The following RARB variants were observed in gnomAD, a reference collection of about 807,000 sequenced individuals.
RARB encodes the protein retinoic acid receptor beta.
Under a neutral mutation model 51.9 loss-of-function variants are expected in RARB, and 17 were observed. That is an observed-to-expected ratio of 0.33 (90% CI 0.22 to 0.49). The LOEUF is 0.49. RARB is among the 20% of genes least tolerant of loss of function. The pLI, the probability that RARB is intolerant of heterozygous loss-of-function variation, is 0.99. For missense variants in RARB, 369 were observed against 550.8 expected (o/e 0.67, Z 3.30); for synonymous variants, 215 against 195.4 (o/e 1.10, Z -0.84).
chr3:25,023,812 A>G (rs111512729), intron 2 of RARB, among the ~76,000 whole-genome samples: 1,975 of 152,336 alleles, frequency 0.013, 47 homozygotes, highest in African/African-American at 0.044. Flanking sequence ...CAACATAACA[A>G]TCTGGAGAAA....
chr3:25,177,881 T>C (rs1426867478), intron 5 of RARB, among the ~76,000 whole-genome samples: 1 of 152,190 alleles, frequency 6.6e-6, no homozygotes, highest in African/African-American at 2.4e-5. Flanking sequence ...CAGACTTTTA[T>C]TATATATCTA....
intron 2 of RARB, among the ~76,000 whole-genome samples, chr3:24,977,270 T>G (rs1209099789): frequency 2.0e-5 from 3 of 152,208 alleles, no homozygotes; most frequent in East Asian, 3.9e-4. Context: ...ATATGAAATT[T>G]AAAGTAGTTT....
intron 5 of RARB, among the ~76,000 whole-genome samples, chr3:25,232,280 G>A (rs932056128): frequency 1.4e-4 from 21 of 152,032 alleles, no homozygotes; most frequent in African/African-American, 5.1e-4. Context: ...CTCCAATTTT[G>A]TTCTTCAAAA....
intron 5 of RARB, among the ~76,000 whole-genome samples, chr3:25,279,321 A>T (rs1197071511): frequency 6.6e-6 from 1 of 152,196 alleles, no homozygotes; most frequent in African/African-American, 2.4e-5. Context: ...TTGAGAACAA[A>T]GGATACCTCT....
intron 5 of RARB, among the ~76,000 whole-genome samples, chr3:25,396,895 G>A (rs1707130686): frequency 6.6e-6 from 1 of 152,154 alleles, no homozygotes; most frequent in Non-Finnish European, 1.5e-5. Flanking sequence ...CCCACCAACA[G>A]CACCCAGTGT....
At chr3:25,079,749 T>C (rs1335433087) in intron 3 of RARB, among the ~76,000 whole-genome samples, 2 of 152,218 alleles carry the variant, frequency 1.3e-5, no homozygotes, top group Non-Finnish European at 2.9e-5. Flanking sequence ...TGAGGTAGTA[T>C]CCTTTCAAAT....
At chr3:25,445,616 G>A (rs896645314) in intron 1 of RARB, among the ~76,000 whole-genome samples, 4 of 152,036 alleles carry the variant, frequency 2.6e-5, no homozygotes, top group East Asian at 3.9e-4. Flanking sequence ...GCAGTGAGCC[G>A]AGGTCGCGCC....
intron 2 of RARB, among the ~76,000 whole-genome samples, chr3:24,870,213 A>G (rs990931252): frequency 2.6e-5 from 4 of 152,056 alleles, no homozygotes; most frequent in African/African-American, 9.7e-5. Flanking sequence ...ATTTTAATGC[A>G]TTCTAATTTA....
intron 4 of RARB, 60 bp downstream of exon 4, chr3:25,569,978 G>GCACACA: frequency 7.0e-7 from 1 of 1,430,850 alleles, no homozygotes; most frequent in Non-Finnish European, 9.5e-7. Context: ...GTGCATGTGT[G>GCACACA]CAGACACACA....
At chr3:24,892,121 A>G (rs764137720) in intron 2 of RARB, among the ~76,000 whole-genome samples, 1 of 151,962 alleles carries the variant, frequency 6.6e-6, no homozygotes, top group Non-Finnish European at 1.5e-5. Flanking sequence ...GCAGGGCCAA[A>G]AGTAGCCAGA....
intron 5 of RARB, among the ~76,000 whole-genome samples, chr3:25,186,957 A>T (rs1248895158): frequency 7.4e-6 from 1 of 135,748 alleles, no homozygotes; most frequent in Non-Finnish European, 1.5e-5. Context: ...GCTAAGTTTG[A>T]TGAAGAGTAG....
At chr3:25,129,947 C>G (rs553095615) in intron 3 of RARB, among the ~76,000 whole-genome samples, 1 of 152,076 alleles carries the variant, frequency 6.6e-6, no homozygotes, top group East Asian at 1.9e-4. Context: ...ATAGGCTTTC[C>G]TTCACTAAAA....
intron 5 of RARB, among the ~76,000 whole-genome samples, chr3:25,249,976 G>A (rs1702670063): frequency 2.8e-5 from 2 of 72,134 alleles, no homozygotes; most frequent in Non-Finnish European, 5.0e-5. Context: ...TAACAGTGGT[G>A]GGCTCGGTGG....
In RARB at chr3:25,377,673, A is replaced by T. The variant is rs115533217; in HGVS notation, c.179-83520A>T. Among the ~76,000 whole-genome samples, 894 of 152,298 alleles carry T rather than the reference A, an allele frequency of 5.9e-3. 7 individuals are homozygous for T. The highest frequency in any genetic ancestry group is 0.024 in the Middle Eastern group (7 of 294). On this transcript the variant is annotated intron_variant, in intron 5 of 11. Coordinates refer to the RARB transcript ENST00000383772. Reference sequence around the variant, plus strand: ...ATTGTAGAATAAAGAAAAAGTGGGGAGACACAATTTCCAAATTGGGTCATG... The same window carrying T: ...ATTGTAGAATAAAGAAAAAGTGGGGTGACACAATTTCCAAATTGGGTCATG...
At chr3:25,220,677 C>CT (rs1701928094) in intron 5 of RARB, among the ~76,000 whole-genome samples, 1 of 152,208 alleles carries the variant, frequency 6.6e-6, no homozygotes, top group Admixed American at 6.5e-5. Flanking sequence ...CCTGCCTCCC[C>CT]TTTGCCTTCC....
chr3:25,243,050 A>AT (rs1197187111), intron 5 of RARB, among the ~76,000 whole-genome samples: 2 of 151,696 alleles, frequency 1.3e-5, no homozygotes, highest in Non-Finnish European at 2.9e-5. Flanking sequence ...ATTTCTAGGT[A>AT]TTTTTTTCTC....
At chr3:25,256,671 G>T (rs1266724753) in intron 5 of RARB, among the ~76,000 whole-genome samples, 1 of 152,078 alleles carries the variant, frequency 6.6e-6, no homozygotes, top group Non-Finnish European at 1.5e-5. Flanking sequence ...TGTCATAAAG[G>T]ATGGAAGGGT....
chr3:25,467,370 C>T (rs769816920), intron 2 of RARB, among the ~76,000 whole-genome samples: 38 of 152,230 alleles, frequency 2.5e-4, no homozygotes, highest in African/African-American at 8.4e-4. Flanking sequence ...TGGTCTAGGA[C>T]GGTCTCACTC....
At chr3:25,359,824 A>G (rs756330710) in intron 5 of RARB, among the ~76,000 whole-genome samples, 2 of 152,176 alleles carry the variant, frequency 1.3e-5, no homozygotes, top group Non-Finnish European at 2.9e-5. Context: ...ATGTGATTGT[A>G]CTGTGGTCTG....
Sources: allele counts gnomAD v4.1 joint callset (sites outside exome capture counted in the v4.1 genomes callset), GRCh38; gene constraint gnomAD v4.1.1; transcripts MANE v1.5; gene names NCBI Gene and HGNC (gene_info 2026-07-23, HGNC 2026-07-21).